Variants in CARM1 observed in about 807,000 individuals in gnomAD.
CARM1 encodes coactivator associated arginine methyltransferase 1, also known as histone-arginine methyltransferase CARM1.
In CARM1, 14 loss-of-function variants were observed where a neutral mutation model predicts 72.7. The ratio of observed to expected loss-of-function variants is 0.19; its 90% CI spans 0.13 to 0.30. The LOEUF (loss-of-function observed/expected upper bound fraction) is 0.30, where lower values mean the gene tolerates loss of function less well. Ranked by LOEUF, CARM1 falls within the 10% of genes least tolerant of loss-of-function variation. The probability of loss-of-function intolerance (pLI) is 1.00; values close to 1 mark genes in which losing one functional copy is unlikely to be tolerated. For missense variants in CARM1, 432 were observed against 833.7 expected (o/e 0.52, Z 5.93); for synonymous variants, 333 against 345.5 (o/e 0.96, Z 0.40).
chr19:10,921,555 A>G, intron 15 of CARM1, 60 bp from the exon 16 acceptor site: 1 of 1,567,370 alleles, frequency 6.4e-7, no homozygotes, highest in Non-Finnish European at 8.7e-7. Flanking sequence ...TCTCTCTGTG[A>G]CTCTGCCTGG....
chr19:10,918,391 A>G (rs566471634), intron 8 of CARM1, among the ~76,000 whole-genome samples: 4 of 151,880 alleles, frequency 2.6e-5, no homozygotes, highest in African/African-American at 7.2e-5. Flanking sequence ...ATGCCCGGCT[A>G]ATTTATTTTT....
intron 1 of CARM1, among the ~76,000 whole-genome samples, chr19:10,873,926 A>G (rs1234302794): frequency 6.6e-6 from 1 of 151,918 alleles, no homozygotes; most frequent in East Asian, 1.9e-4. Flanking sequence ...GGCATGAGCC[A>G]CCCCGCCCGG....
At chr19:10,879,702 C>T (rs919885336) in intron 1 of CARM1, among the ~76,000 whole-genome samples, 1 of 152,160 alleles carries the variant, frequency 6.6e-6, no homozygotes, top group African/African-American at 2.4e-5. Flanking sequence ...AACCTCTAGC[C>T]TCCCAGGTTC....
chr19:10,905,246 G>A (rs893340362), intron 2 of CARM1, among the ~76,000 whole-genome samples, 170 bp downstream of exon 2: 1 of 152,232 alleles, frequency 6.6e-6, no homozygotes, highest in Admixed American at 6.5e-5. Context: ...ACTCTGGCCT[G>A]GGCAGACCCT....
chr19:10,891,583 C>A (rs932492026), intron 1 of CARM1, among the ~76,000 whole-genome samples: 1 of 152,236 alleles, frequency 6.6e-6, no homozygotes, highest in Admixed American at 6.5e-5. Flanking sequence ...TCCCACTCCC[C>A]TCCCCCAGCC....
At position 10,912,402 on chromosome 19, in the gene CARM1, C is replaced by A; in HGVS notation, c.669+108C>A. On this transcript the variant is annotated intron_variant, in intron 5 of 15. Transcript: ENST00000327064. This position sits in a 1 kb window ranked among gnomAD's most constrained non-coding sequence, Gnocchi z 4.5. ...CCCCAGGGGCCTGGGGACATTACTTCTGTGCTTTGGTCTCTTTATTGTCCC... is the reference window on the plus strand; with the variant it reads ...CCCCAGGGGCCTGGGGACATTACTTATGTGCTTTGGTCTCTTTATTGTCCC... 1.3e-6 allele frequency: 1 copy of A among 774,830 alleles called. No homozygotes were observed. 48.0% of individuals were successfully genotyped at this position (774,830 alleles called of 1,614,324 possible).
chr19:10,891,037 G>A (rs552628499), intron 1 of CARM1, among the ~76,000 whole-genome samples: 5 of 151,140 alleles, frequency 3.3e-5, no homozygotes, highest in African/African-American at 1.2e-4. Context: ...GATGGGTTGG[G>A]TCCCAGGGGT....
intron 2 of CARM1, among the ~76,000 whole-genome samples, chr19:10,905,944 T>A (rs796226814): frequency 8.3e-6 from 1 of 120,654 alleles, no homozygotes; most frequent in Non-Finnish European, 1.7e-5. Flanking sequence ...CCCGGCCCCT[T>A]TTTTTTTTTT....
chr19:10,916,346 T>C lies in CARM1; in HGVS notation c.848-61T>C. The C allele has an allele frequency of 8.5e-7, 1 of 1,172,660 alleles. No individual in the cohort carries two copies. Among genetic ancestry groups the C allele is most frequent in the South Asian group, 1.2e-5 (1 of 80,674 alleles). The allele number at this position is 1,172,660 out of a possible 1,614,324, so 72.6% of individuals were successfully genotyped here. A position where few individuals can be genotyped will look rare whatever the true frequency, so the allele number is the denominator to read the frequency against. On this transcript the variant is annotated intron_variant, in intron 6 of 15. Transcript: ENST00000327064. This position sits in a 1 kb window ranked among gnomAD's most constrained non-coding sequence, Gnocchi z 4.4. The stretch of plus-strand genomic sequence containing the variant: ...GGGGGTCTTGGGGTCCTTTGGAAGC[T>C]CTGCCAGGCAGTGTGGGATGTGTCA...
chr19:10,909,316 A>T, intron 4 of CARM1, 109 bp downstream of exon 4: 1 of 708,064 alleles, frequency 1.4e-6, no homozygotes, highest in Non-Finnish European at 2.4e-6. Context: ...CATTTATCTC[A>T]GTTACTGCAG....
At chr19:10,908,806 C>T (rs980878058) in intron 3 of CARM1, 26 of 294,890 alleles carry the variant, frequency 8.8e-5, no homozygotes, top group Non-Finnish European at 1.6e-4. Flanking sequence ...CAGGTGGCCC[C>T]CGATGCCAGA....
intron 2 of CARM1, among the ~76,000 whole-genome samples, chr19:10,905,942 C>CTTTTTTTTTTTTTT (rs35328638): frequency 1.9e-5 from 2 of 103,444 alleles, no homozygotes; most frequent in Admixed American, 1.0e-4. Context: ...TGCCCGGCCC[C>CTTTTTTTTTTTTTT]TTTTTTTTTT....
At chr19:10,874,391 T>C (rs2073846921) in intron 1 of CARM1, among the ~76,000 whole-genome samples, 2 of 151,742 alleles carry the variant, frequency 1.3e-5, no homozygotes, top group South Asian at 4.2e-4. Context: ...ATTTTTTTTA[T>C]TTTTATTTTT....
At chr19:10,906,580 A>C (rs1282435208) in intron 2 of CARM1, among the ~76,000 whole-genome samples, 1 of 152,150 alleles carries the variant, frequency 6.6e-6, no homozygotes, top group Non-Finnish European at 1.5e-5. Context: ...CTCCTGCCTC[A>C]GCGCCCTGAG....
intron 1 of CARM1, among the ~76,000 whole-genome samples, chr19:10,902,460 A>C (rs2074073565): frequency 1.3e-5 from 2 of 151,580 alleles, no homozygotes; most frequent in Admixed American, 1.3e-4. Flanking sequence ...TGCCCAGCTA[A>C]TTTTGTTTTG....
In CARM1 at chr19:10,912,521, T is replaced by TA; in HGVS notation, c.669+227_669+228insA. On this transcript the variant is annotated intron_variant, in intron 5 of 15. Coordinates refer to ENST00000327064, the MANE Select transcript of CARM1 (RefSeq NM_199141.2). This position sits in a 1 kb window ranked among gnomAD's most constrained non-coding sequence, Gnocchi z 4.5. ...CCACATGTCATTTCCCTGTTTTCTT[T>TA]TTTTTTTTTTTGCACTGAAACCTTC... is the stretch of plus-strand genomic sequence containing the variant. Among the ~76,000 whole-genome samples the TA allele has an allele frequency of 6.6e-6, 1 of 150,992 alleles. No individual in the cohort carries two copies. The highest frequency in any genetic ancestry group is 2.1e-4 in the South Asian group (1 of 4,822).
intron 1 of CARM1, among the ~76,000 whole-genome samples, chr19:10,876,506 C>T (rs988369941): frequency 2.0e-5 from 3 of 152,184 alleles, no homozygotes; most frequent in Non-Finnish European, 4.4e-5. Context: ...AGGAGAGGCA[C>T]GTGGGGAGGA....
chr19:10,902,290 CT>C (rs869120010), intron 1 of CARM1, among the ~76,000 whole-genome samples: 4,491 of 114,688 alleles, frequency 0.039, 56 homozygotes, highest in South Asian at 0.049. Context: ...ATTGTTGTTT[CT>C]TTTTTTTTTT....
intron 1 of CARM1, among the ~76,000 whole-genome samples, chr19:10,890,181 G>A (rs1394866845): frequency 2.0e-5 from 3 of 152,002 alleles, no homozygotes; most frequent in African/African-American, 7.2e-5. Context: ...GAGCCCAGGA[G>A]TTTGAGACCA....
Sources: allele counts gnomAD v4.1 joint callset (sites outside exome capture counted in the v4.1 genomes callset), GRCh38; gene constraint gnomAD v4.1.1; non-coding constraint Gnocchi (gnomAD v3.1); transcripts MANE v1.5; gene names NCBI Gene and HGNC (gene_info 2026-07-23, HGNC 2026-07-21).